LIN28B: variants seen among roughly 807,000 people sequenced by gnomAD.
LIN28B encodes the protein protein lin-28 homolog B.
In LIN28B, 5 loss-of-function variants were observed where a neutral mutation model predicts 21.9. The ratio of observed to expected loss-of-function variants is 0.23; its 90% CI spans 0.12 to 0.48. LIN28B has a LOEUF of 0.48. Ranked by LOEUF, LIN28B falls within the 20% of genes least tolerant of loss-of-function variation. The probability of loss-of-function intolerance (pLI) is 0.98; values close to 1 mark genes in which losing one functional copy is unlikely to be tolerated. For missense variants in LIN28B, 245 were observed against 310.5 expected, an observed-to-expected ratio of 0.79 and a Z score of 1.58; for synonymous variants, 109 against 111.3, an observed-to-expected ratio of 0.98 and a Z score of 0.13.
chr6:104,989,627 T>G (rs1383735214), intron 2 of LIN28B, among the ~76,000 whole-genome samples: 1 of 128,834 alleles, frequency 7.8e-6, no homozygotes, highest in Non-Finnish European at 1.6e-5. Flanking sequence ...AGAGTCTCAC[T>G]GTGTCGCCCA....
intron 3 of LIN28B, among the ~76,000 whole-genome samples, chr6:105,063,643 G>GT (rs200749628): frequency 7.1e-5 from 10 of 141,446 alleles, no homozygotes; most frequent in African/African-American, 1.0e-4. Context: ...CTCGGGGGGG[G>GT]GGGGGAAAAA....
At chr6:104,945,496 T>A (rs750322368) in intron 2 of LIN28B, among the ~76,000 whole-genome samples, 39 of 152,258 alleles carry the variant, frequency 2.6e-4, no homozygotes, top group Admixed American at 1.2e-3. Context: ...CAGTTTTACC[T>A]AGAATCATTT....
intron 2 of LIN28B, among the ~76,000 whole-genome samples, chr6:104,984,332 T>G (rs1417601958): frequency 6.6e-6 from 1 of 152,252 alleles, no homozygotes; most frequent in African/African-American, 2.4e-5. Context: ...AAACATACAG[T>G]AGTCATTATA....
At chr6:105,004,190 C>A (rs965694919) in intron 2 of LIN28B, among the ~76,000 whole-genome samples, 4 of 152,178 alleles carry the variant, frequency 2.6e-5, no homozygotes, top group African/African-American at 9.7e-5. Context: ...GAGATGGTGA[C>A]CACCCAGATT....
chr6:105,012,894 C>A (rs1047314366), intron 2 of LIN28B, among the ~76,000 whole-genome samples: 1 of 152,146 alleles, frequency 6.6e-6, no homozygotes, highest in African/African-American at 2.4e-5. Context: ...GATTGCCAAA[C>A]TTTTTCCAAA....
intron 2 of LIN28B, among the ~76,000 whole-genome samples, chr6:104,986,181 G>A (rs879345891): frequency 1.3e-5 from 2 of 152,124 alleles, no homozygotes; most frequent in Non-Finnish European, 2.9e-5. Context: ...AGATGTGCCT[G>A]CTTCTCCTTC....
At chr6:105,031,524 C>CT (rs1416544709) in intron 3 of LIN28B, among the ~76,000 whole-genome samples, 113 of 150,060 alleles carry the variant, frequency 7.5e-4, no homozygotes, top group African/African-American at 2.7e-3. Flanking sequence ...TAAAATTGAC[C>CT]TTTTTTCTTT....
intron 2 of LIN28B, among the ~76,000 whole-genome samples, chr6:105,013,877 C>A (rs1770972410): frequency 6.6e-6 from 1 of 152,018 alleles, no homozygotes; most frequent in Non-Finnish European, 1.5e-5. Context: ...CTTTGCTCTC[C>A]TTTTAATGTC....
intron 3 of LIN28B, among the ~76,000 whole-genome samples, chr6:105,062,231 A>G (rs999324930): frequency 6.6e-6 from 1 of 152,104 alleles, no homozygotes; most frequent in Non-Finnish European, 1.5e-5. Flanking sequence ...ACTTTTAAGT[A>G]CTATGTTGCA....
intron 2 of LIN28B, among the ~76,000 whole-genome samples, chr6:104,946,941 TATG>T (rs1251247308): frequency 6.6e-6 from 1 of 152,176 alleles, no homozygotes; most frequent in Non-Finnish European, 1.5e-5. Context: ...TTTTTCTTAT[TATG>T]GTGAATACTA....
At chr6:104,959,331 TTGAC>T (rs1216730325) in intron 2 of LIN28B, among the ~76,000 whole-genome samples, 17 of 152,356 alleles carry the variant, frequency 1.1e-4, no homozygotes, top group South Asian at 8.3e-4. Flanking sequence ...ATACTACAGA[TTGAC>T]TGACAGATAC....
intron 2 of LIN28B, chr6:104,940,396 G>C (rs924843764): frequency 6.4e-6 from 1 of 155,408 alleles, no homozygotes; most frequent in Non-Finnish European, 1.5e-5. Flanking sequence ...CGGAGAGCCG[G>C]GAGTCACAGG....
intron 2 of LIN28B, among the ~76,000 whole-genome samples, chr6:104,961,352 C>G (rs574387026): frequency 6.6e-6 from 1 of 151,950 alleles, no homozygotes; most frequent in African/African-American, 2.4e-5. Context: ...AGATTTGTTT[C>G]AAATGAAGTA....
At position 105,007,999 on chromosome 6, in the gene LIN28B, G is replaced by A. The variant is rs117456945; in HGVS notation, c.199-18299G>A. Among the ~76,000 whole-genome samples, 1,402 of 152,186 alleles carry A rather than the reference G, an allele frequency of 9.2e-3. 12 individuals are homozygous for A. The highest frequency in any genetic ancestry group is 0.014 in the Non-Finnish European group (955 of 68,000). On this transcript the variant is annotated intron_variant, in intron 2 of 3. Coordinates refer to ENST00000345080, the MANE Select transcript of LIN28B (RefSeq NM_001004317.4). The stretch of plus-strand genomic sequence containing the variant: ...TGTCATTAAAAAACACCTCAAGTAT[G>A]TTAGTGCCCTCTGTCAGATAAAATT...
At chr6:105,028,719 A>G (rs1375387604) in intron 3 of LIN28B, among the ~76,000 whole-genome samples, 1 of 152,196 alleles carries the variant, frequency 6.6e-6, no homozygotes, top group Non-Finnish European at 1.5e-5. Context: ...TGCACATCCA[A>G]GTGAAGATGT....
chr6:105,057,617 C>T (rs1299691403), intron 3 of LIN28B, among the ~76,000 whole-genome samples: 1 of 152,110 alleles, frequency 6.6e-6, no homozygotes, highest in African/African-American at 2.4e-5. Context: ...TATGGAATGG[C>T]TTAAAGCCAA....
chr6:104,950,531 T>TAA, intron 3 of LIN28B: 1 of 1,113,646 alleles, frequency 9.0e-7, no homozygotes, highest in Non-Finnish European at 1.1e-6. Flanking sequence ...TTTTTTTTTT[T>TAA]AAATATTTTG....
chr6:105,000,469 T>C (rs1770699765), intron 2 of LIN28B, among the ~76,000 whole-genome samples: 1 of 152,182 alleles, frequency 6.6e-6, no homozygotes, highest in African/African-American at 2.4e-5. Context: ...CAGTCACTTA[T>C]AAATACCTTT....
chr6:105,078,645 G>A lies in LIN28B; in HGVS notation c.615G>A (p.Pro205=), dbSNP rs138282338. 4.3e-6 allele frequency: 7 copies of A among 1,614,054 alleles called. No individual in the cohort carries two copies. Among genetic ancestry groups the A allele is most frequent in the African/African-American group, 1.3e-5 (1 of 74,994 alleles). Residue 205 remains proline (P), a synonymous_variant, in exon 4 of 4, where the codon CCG becomes CCA. Coordinates refer to ENST00000345080, the MANE Select transcript of LIN28B (RefSeq NM_001004317.4). The part of the protein sequence containing the change: ...VGGGHGCTSP[P]FPQEARAEIS... Reference sequence around the variant, plus strand: ...GCGGGCATGGCTGTACATCACCACCGTTTCCTCAGGAGGCTAGGGCAGAGA... The same window carrying A: ...GCGGGCATGGCTGTACATCACCACCATTTCCTCAGGAGGCTAGGGCAGAGA...
Sources: allele counts gnomAD v4.1 joint callset (sites outside exome capture counted in the v4.1 genomes callset), GRCh38; gene constraint gnomAD v4.1.1; transcripts MANE v1.5; gene names NCBI Gene and HGNC (gene_info 2026-07-23, HGNC 2026-07-21).